Variants in KCNH1 observed in about 807,000 individuals in gnomAD.
KCNH1 encodes the protein potassium voltage-gated channel subfamily H member 1.
In KCNH1, 27 loss-of-function variants were observed where a neutral mutation model predicts 69.2. That is an observed-to-expected ratio of 0.39 (90% CI 0.29 to 0.54). KCNH1 has a LOEUF of 0.54. Ranked by LOEUF, KCNH1 falls within the 20% of genes least tolerant of loss-of-function variation. The pLI is 0.68. For synonymous variants in KCNH1, 456 were observed against 487.7 expected, an observed-to-expected ratio of 0.93 and a Z score of 0.86; for missense variants, 798 against 1,261.6, an observed-to-expected ratio of 0.63 and a Z score of 5.57.
chr1:210,985,836 C>A (rs184790751), intron 6 of KCNH1, among the ~76,000 whole-genome samples: 59 of 152,226 alleles, frequency 3.9e-4, no homozygotes, highest in African/African-American at 1.3e-3. Flanking sequence ...CCTGGATATC[C>A]ATGTTAACTT....
chr1:210,953,034 C>A (rs1006572128), intron 6 of KCNH1, among the ~76,000 whole-genome samples: 1 of 152,108 alleles, frequency 6.6e-6, no homozygotes, highest in Non-Finnish European at 1.5e-5. Flanking sequence ...TCAAAAGGTA[C>A]CCCAGCTTTT....
intron 10 of KCNH1, among the ~76,000 whole-genome samples, chr1:210,740,080 C>A (rs1156767994): frequency 6.6e-6 from 1 of 152,084 alleles, no homozygotes; most frequent in African/African-American, 2.4e-5. Flanking sequence ...AGATAGTAAA[C>A]CTTCCTGGAA....
chr1:210,811,650 G>T (rs550305235), intron 7 of KCNH1, among the ~76,000 whole-genome samples: 1 of 152,206 alleles, frequency 6.6e-6, no homozygotes, highest in Non-Finnish European at 1.5e-5. Context: ...ATTATCAATG[G>T]CTTGCAAAGG....
intron 5 of KCNH1, among the ~76,000 whole-genome samples, chr1:211,046,299 C>T (rs1435326222): frequency 2.0e-5 from 3 of 152,110 alleles, no homozygotes; most frequent in Non-Finnish European, 2.9e-5. Context: ...TAGACAAGAA[C>T]GGATATGTTA....
intron 7 of KCNH1, among the ~76,000 whole-genome samples, chr1:210,896,606 A>G (rs1180803624): frequency 1.3e-5 from 2 of 152,158 alleles, no homozygotes; most frequent in Non-Finnish European, 2.9e-5. Context: ...AAGTGAGTAT[A>G]TTTTACATAT....
chr1:210,931,337 T>TA (rs1307960433), intron 6 of KCNH1, among the ~76,000 whole-genome samples: 1 of 152,062 alleles, frequency 6.6e-6, no homozygotes. Flanking sequence ...TACTCAGCTA[T>TA]AAAAAAGAAT....
At chr1:211,023,462 T>C (rs114093708) in intron 5 of KCNH1, among the ~76,000 whole-genome samples, 1,868 of 151,596 alleles carry the variant, frequency 0.012, 16 homozygotes, top group South Asian at 0.022. Context: ...CAATAGAATA[T>C]TATTTGGCCA....
In KCNH1 at chr1:210,694,343, G is replaced by A. The variant is rs190864521; in HGVS notation, c.2113-10205C>T. Among the ~76,000 whole-genome samples, 382 of 151,974 alleles carry A rather than the reference G, an allele frequency of 2.5e-3. 1 individual carries two copies. Among genetic ancestry groups the A allele is most frequent in the African/African-American group, 8.7e-3 (361 of 41,504 alleles). ...TTATCTCCTCTTACCAGCTACTCCCGGCCCTCACTCCCCCTGCTTTTTTTT... is the reference window on the plus strand; with the variant it reads ...TTATCTCCTCTTACCAGCTACTCCCAGCCCTCACTCCCCCTGCTTTTTTTT... On this transcript the variant is annotated intron_variant, in intron 10 of 10. Transcript: ENST00000271751.
intron 7 of KCNH1, among the ~76,000 whole-genome samples, chr1:210,846,520 T>C (rs569311231): frequency 1.3e-5 from 2 of 152,294 alleles, no homozygotes; most frequent in East Asian, 1.9e-4. Flanking sequence ...GAAAACTGGC[T>C]AGCCATATGT....
chr1:210,900,074 C>A (rs930616096), intron 7 of KCNH1, among the ~76,000 whole-genome samples: 2 of 152,152 alleles, frequency 1.3e-5, no homozygotes, highest in South Asian at 4.1e-4. Context: ...CTATACTGTG[C>A]CCTAAGAACA....
chr1:210,860,279 G>C, intron 7 of KCNH1: 1 of 1,422,438 alleles, frequency 7.0e-7, no homozygotes, highest in Non-Finnish European at 9.9e-7. Context: ...CACATCTGTG[G>C]AGACACTTGT....
At chr1:210,878,728 T>C (rs1686433469) in intron 7 of KCNH1, among the ~76,000 whole-genome samples, 1 of 151,474 alleles carries the variant, frequency 6.6e-6, no homozygotes, top group African/African-American at 2.4e-5. Context: ...TAGGAAAGTA[T>C]AAAAAGAAGA....
chr1:211,126,402 CG>C (rs1691776998), intron 1 of KCNH1, among the ~76,000 whole-genome samples: 1 of 151,526 alleles, frequency 6.6e-6, no homozygotes, highest in African/African-American at 2.4e-5. Flanking sequence ...CCCAGCTACT[CG>C]GGAGGCTGAG....
At chr1:211,043,548 C>G (rs865821622) in intron 5 of KCNH1, among the ~76,000 whole-genome samples, 1 of 152,128 alleles carries the variant, frequency 6.6e-6, no homozygotes, top group African/African-American at 2.4e-5. Flanking sequence ...TGACACTATT[C>G]CACAAGATAG....
intron 2 of KCNH1, among the ~76,000 whole-genome samples, chr1:211,104,185 G>A (rs1263254638): frequency 1.3e-5 from 2 of 152,106 alleles, no homozygotes; most frequent in African/African-American, 4.8e-5. Flanking sequence ...AGATCATGGA[G>A]GAGACCACGG....
At chr1:210,930,417 CA>C (rs1380084489) in intron 6 of KCNH1, among the ~76,000 whole-genome samples, 2 of 152,046 alleles carry the variant, frequency 1.3e-5, no homozygotes, top group African/African-American at 4.8e-5. Context: ...ACATAGCAAA[CA>C]AAAAATAAAG....
chr1:210,914,893 A>G (rs1046435598), intron 7 of KCNH1, among the ~76,000 whole-genome samples: 10 of 152,146 alleles, frequency 6.6e-5, no homozygotes, highest in Non-Finnish European at 1.5e-4. Flanking sequence ...GAGTGTCTGG[A>G]GTAGGAGTAC....
intron 6 of KCNH1, among the ~76,000 whole-genome samples, chr1:210,980,941 T>C (rs1249564684): frequency 6.6e-6 from 1 of 152,176 alleles, no homozygotes; most frequent in Non-Finnish European, 1.5e-5. Flanking sequence ...CTTGGTCCCG[T>C]AGCTCCAAAG....
intron 5 of KCNH1, among the ~76,000 whole-genome samples, chr1:211,042,482 G>A (rs1690014631): frequency 6.6e-6 from 1 of 152,100 alleles, no homozygotes; most frequent in Admixed American, 6.5e-5. Context: ...ATTAGTACTA[G>A]ACCTAAGAAA....
Sources: gnomAD v4.1 joint callset for allele counts (sites outside exome capture counted in the v4.1 genomes callset) on GRCh38, gnomAD v4.1.1 for gene constraint, MANE v1.5 for transcripts, NCBI Gene and HGNC (gene_info 2026-07-23, HGNC 2026-07-21) for gene names.